BACH2: variants seen among roughly 807,000 people sequenced by gnomAD.
BACH2 encodes transcription regulator protein BACH2.
Under a neutral mutation model 61.8 loss-of-function variants are expected in BACH2, and 5 were observed. The ratio of observed to expected loss-of-function variants is 0.08; its 90% confidence interval spans 0.04 to 0.17. The LOEUF is 0.17. Ranked by LOEUF, BACH2 falls within the 10% of genes least tolerant of loss-of-function variation. The probability of loss-of-function intolerance (pLI) is 1.00; values close to 1 mark genes in which losing one functional copy is unlikely to be tolerated. For synonymous variants in BACH2, 446 were observed against 440.1 expected, an observed-to-expected ratio of 1.01 and a Z score of -0.17; for missense variants, 824 against 1,091.1, an observed-to-expected ratio of 0.76 and a Z score of 3.45.
chr6:89,997,677 A>G, intron 6 of BACH2, among the ~76,000 whole-genome samples: 1 of 152,158 alleles, frequency 6.6e-6, no homozygotes, highest in East Asian at 1.9e-4. Flanking sequence ...TTTTCCTTAC[A>G]CTTCTCTTTT....
In BACH2 at chr6:89,950,667, T is replaced by C. The variant is rs1199695323; in HGVS notation, c.1439A>G (p.Tyr480Cys). The C allele has an allele frequency of 6.2e-7, 1 of 1,613,830 alleles. No homozygotes were observed. Among genetic ancestry groups the C allele is most frequent in the Non-Finnish European group, 8.5e-7 (1 of 1,180,004 alleles). Residue 480 changes from tyrosine (Y) to cysteine (C), a missense_variant, in exon 7 of 9, where the codon TAC becomes TGC. Physicochemically the swap from Tyr to Cys is radical, Grantham distance 194. Transcript: ENST00000257749. This position sits in a 1 kb window ranked among gnomAD's most constrained non-coding sequence, Gnocchi z 5.3. ...AGQSLPSSQA[Y>C]SHGGLMADHL... is the part of the protein sequence containing the mutation. ...GTCGGCCATCAGCCCACCGTGGGAG[T>C]AGGCCTGCGAGCTGGGGAGGGACTG...
chr6:90,051,059 G>T (rs1382845163), intron 5 of BACH2, among the ~76,000 whole-genome samples: 1 of 151,876 alleles, frequency 6.6e-6, no homozygotes, highest in South Asian at 2.1e-4. Flanking sequence ...GGCTTTTACA[G>T]GCTGGTAATT....
At chr6:89,960,859 C>A (rs568557918) in intron 6 of BACH2, among the ~76,000 whole-genome samples, 2 of 152,314 alleles carry the variant, frequency 1.3e-5, no homozygotes, top group East Asian at 3.9e-4. Context: ...CTGTGATAGT[C>A]GGCTCAGAAT....
intron 6 of BACH2, among the ~76,000 whole-genome samples, chr6:89,952,719 T>G (rs1321544343): frequency 6.6e-6 from 1 of 152,256 alleles, no homozygotes; most frequent in Non-Finnish European, 1.5e-5. Flanking sequence ...TGTCATTTGC[T>G]GCTTATCTGT....
intron 6 of BACH2, among the ~76,000 whole-genome samples, chr6:89,959,130 C>CAT (rs1173813018): frequency 1.6e-5 from 2 of 127,822 alleles, no homozygotes; most frequent in Non-Finnish European, 3.4e-5. Flanking sequence ...CACACACACA[C>CAT]ACACACACAC....
At chr6:89,983,065 T>G (rs947882047) in intron 6 of BACH2, among the ~76,000 whole-genome samples, 51 of 152,232 alleles carry the variant, frequency 3.4e-4, no homozygotes, top group Non-Finnish European at 1.3e-4. Context: ...TTGCCTTGAT[T>G]TGACCCCACC....
intron 4 of BACH2, among the ~76,000 whole-genome samples, chr6:90,199,438 G>A (rs17712288): frequency 0.34 from 51,962 of 152,054 alleles, 9,971 homozygotes; most frequent in Non-Finnish European, 0.43. Context: ...ATGCATGCAC[G>A]CATTTTAAAG....
At chr6:90,165,755 G>A (rs9767769) in intron 4 of BACH2, among the ~76,000 whole-genome samples, 10,667 of 151,852 alleles carry the variant, frequency 0.07, 429 homozygotes, top group South Asian at 0.16. Flanking sequence ...ATAATGCCGC[G>A]TATCTACAAC....
intron 7 of BACH2, among the ~76,000 whole-genome samples, chr6:89,949,148 A>G (rs1387890475): frequency 6.6e-6 from 1 of 152,208 alleles, no homozygotes; most frequent in Non-Finnish European, 1.5e-5. Context: ...GGCTGGGTTA[A>G]CATCTCTGCC....
At chr6:89,940,855 T>A (rs1404634657) in intron 7 of BACH2, among the ~76,000 whole-genome samples, 1 of 148,560 alleles carries the variant, frequency 6.7e-6, no homozygotes, top group East Asian at 1.9e-4. Flanking sequence ...GTTTACAGTT[T>A]TTTTTTTTTT....
chr6:90,144,548 C>G (rs928038988), intron 4 of BACH2, among the ~76,000 whole-genome samples: 1 of 152,174 alleles, frequency 6.6e-6, no homozygotes, highest in African/African-American at 2.4e-5. Context: ...CTGGCTGGGC[C>G]TGCCCGCATC....
chr6:90,138,361 T>C (rs1784351421), intron 4 of BACH2, among the ~76,000 whole-genome samples: 1 of 152,004 alleles, frequency 6.6e-6, no homozygotes, highest in South Asian at 2.1e-4. Flanking sequence ...AAATTAGCCA[T>C]GCGTGGTGGC....
chr6:90,235,749 A>C (rs1770240340), intron 3 of BACH2, among the ~76,000 whole-genome samples: 1 of 152,220 alleles, frequency 6.6e-6, no homozygotes, highest in Non-Finnish European at 1.5e-5. Context: ...CTTAGAGACA[A>C]TTAGAAAGGA....
chr6:90,004,984 T>A lies in BACH2; in HGVS notation c.243+3618A>T, dbSNP rs921708155. Among the ~76,000 whole-genome samples, 26 of 152,220 alleles carry A rather than the reference T, an allele frequency of 1.7e-4. 1 individual carries two copies. The highest frequency in any genetic ancestry group is 4.6e-4 in the African/African-American group (19 of 41,532). ...CTAGGGATTGCCATTTGTTTTTTTT[T>A]AAAAACGCAAGATAATTCAATTATT... On this transcript the variant is annotated intron_variant, in intron 6 of 8. Coordinates refer to ENST00000257749, the MANE Select transcript of BACH2 (RefSeq NM_021813.4).
At chr6:90,174,564 A>G (rs1031948529) in intron 4 of BACH2, among the ~76,000 whole-genome samples, 1 of 151,862 alleles carries the variant, frequency 6.6e-6, no homozygotes, top group Non-Finnish European at 1.5e-5. Flanking sequence ...TTGGAAAGGG[A>G]AAAAAAACTA....
intron 6 of BACH2, among the ~76,000 whole-genome samples, chr6:90,004,808 C>A (rs2127779324): frequency 6.6e-6 from 1 of 152,268 alleles, no homozygotes; most frequent in Middle Eastern, 3.4e-3. Flanking sequence ...CATCTCTTAG[C>A]AAAACATATA....
At chr6:90,103,029 A>ATATATATATATATATATATATTTTT in intron 4 of BACH2, among the ~76,000 whole-genome samples, 1 of 21,164 alleles carries the variant, frequency 4.7e-5, no homozygotes, top group African/African-American at 2.4e-4. Context: ...ATATATATAT[A>ATATATATATATATATATATATTTTT]TTTTTTTTTT....
chr6:90,288,351 C>T (rs145633708), intron 1 of BACH2, among the ~76,000 whole-genome samples: 3 of 152,102 alleles, frequency 2.0e-5, no homozygotes, highest in South Asian at 2.1e-4. Context: ...AACACTGACA[C>T]ACTAAGCATC....
intron 7 of BACH2, among the ~76,000 whole-genome samples, chr6:89,940,819 T>C (rs1189435306): frequency 6.6e-6 from 1 of 151,638 alleles, no homozygotes; most frequent in Admixed American, 6.6e-5. Context: ...TTCCAACATA[T>C]AGCTAATATA....
Sources: gnomAD v4.1 joint callset for allele counts (sites outside exome capture counted in the v4.1 genomes callset) on GRCh38, gnomAD v4.1.1 for gene constraint, Gnocchi (gnomAD v3.1) non-coding constraint, MANE v1.5 for transcripts, NCBI Gene and HGNC (gene_info 2026-07-23, HGNC 2026-07-21) for gene names.